The following GAB1 variants were observed in gnomAD, a reference collection of about 807,000 sequenced individuals.
GAB1 encodes GRB2 associated binding protein 1, also known as GRB2-associated-binding protein 1.
Under a neutral mutation model 66.5 loss-of-function variants are expected in GAB1, and 19 were observed. The ratio of observed to expected loss-of-function variants is 0.29; its 90% CI spans 0.20 to 0.42. The LOEUF (loss-of-function observed/expected upper bound fraction) is 0.42, where lower values mean the gene tolerates loss of function less well. Ranked by LOEUF, GAB1 falls within the 10% of genes least tolerant of loss-of-function variation. The pLI is 1.00. For missense variants in GAB1, 732 were observed against 858.5 expected (o/e 0.85, Z 1.84); for synonymous variants, 294 against 301.4 (o/e 0.98, Z 0.25).
At chr4:143,439,973 G>T in intron 5 of GAB1, 86 bp downstream of exon 5, 1 of 1,404,790 alleles carries the variant, frequency 7.1e-7, no homozygotes. Context: ...GTGATATCAT[G>T]AAATAAAAGT....
Position 143,471,125 on chromosome 4 carries a change from A to T in GAB1, c.*1936A>T, listed in dbSNP as rs1054479727. 1.3e-5 allele frequency: 2 copies of T among 152,208 alleles called. No homozygotes were observed. The highest frequency in any genetic ancestry group is 4.8e-5 in the African/African-American group (2 of 41,462). The allele number at this position is 152,208 out of a possible 1,614,324, so 9.4% of individuals were successfully genotyped here. ...GAGGATGAATATATTTAAGATTTAA[A>T]ACACAATAATAAATACATGATTAAT... On this transcript the variant is annotated 3_prime_UTR_variant, in exon 10 of 10. Coordinates refer to ENST00000262994, the MANE Select transcript of GAB1 (RefSeq NM_002039.4).
intron 2 of GAB1, among the ~76,000 whole-genome samples, chr4:143,422,740 T>C (rs1733092433): frequency 6.6e-6 from 1 of 152,248 alleles, no homozygotes; most frequent in African/African-American, 2.4e-5. Flanking sequence ...AATCTACTCT[T>C]CACTGGAAGC....
intron 8 of GAB1, among the ~76,000 whole-genome samples, chr4:143,462,209 A>G (rs757651563): frequency 3.3e-5 from 5 of 152,072 alleles, no homozygotes; most frequent in Non-Finnish European, 7.4e-5. Flanking sequence ...TGTATTCACT[A>G]TTTTTCAATT....
chr4:143,371,035 A>G (rs1730099475), intron 1 of GAB1, among the ~76,000 whole-genome samples: 1 of 152,220 alleles, frequency 6.6e-6, no homozygotes, highest in African/African-American at 2.4e-5. Flanking sequence ...TTATAGCAGC[A>G]TGATTTATAT....
chr4:143,457,193 C>T (rs1735235166), intron 6 of GAB1, among the ~76,000 whole-genome samples: 2 of 152,218 alleles, frequency 1.3e-5, no homozygotes, highest in Admixed American at 1.3e-4. Flanking sequence ...AAAAACATCT[C>T]TACCAAATTA....
At chr4:143,435,640 T>C (rs1274138322) in intron 3 of GAB1, among the ~76,000 whole-genome samples, 1 of 152,216 alleles carries the variant, frequency 6.6e-6, no homozygotes, top group Non-Finnish European at 1.5e-5. Flanking sequence ...AGGTAACCAC[T>C]ATGTGCCCAA....
chr4:143,429,069 C>A (rs1278517815), intron 2 of GAB1, among the ~76,000 whole-genome samples: 1 of 152,000 alleles, frequency 6.6e-6, no homozygotes, highest in African/African-American at 2.4e-5. Context: ...TTATACTTGG[C>A]CCATTATTTG....
intron 1 of GAB1, among the ~76,000 whole-genome samples, chr4:143,362,133 A>T (rs746168142): frequency 6.6e-6 from 1 of 152,136 alleles, no homozygotes; most frequent in Non-Finnish European, 1.5e-5. Flanking sequence ...AAAGAATCAC[A>T]TAAGTCCACC....
chr4:143,440,922 C>T (rs756798901), intron 6 of GAB1, among the ~76,000 whole-genome samples: 7 of 152,162 alleles, frequency 4.6e-5, no homozygotes, highest in Non-Finnish European at 8.8e-5. Context: ...ATTTAGTAAC[C>T]TCTTCTCCAG....
chr4:143,447,000 G>C (rs974935242), intron 6 of GAB1, among the ~76,000 whole-genome samples: 5 of 152,092 alleles, frequency 3.3e-5, no homozygotes, highest in African/African-American at 1.2e-4. Context: ...TCCAGTTTCA[G>C]CTTTCTACAT....
At chr4:143,396,061 G>A in intron 1 of GAB1, 1 of 446,016 alleles carries the variant, frequency 2.2e-6, no homozygotes. Flanking sequence ...GTAATGGGAG[G>A]CTTGGGGAAA....
At chr4:143,399,005 C>T (rs1051093427) in intron 1 of GAB1, among the ~76,000 whole-genome samples, 1 of 152,176 alleles carries the variant, frequency 6.6e-6, no homozygotes, top group African/African-American at 2.4e-5. Flanking sequence ...AGTGTGCTTT[C>T]TGATAGGAGT....
chr4:143,414,035 C>T (rs1363210254), intron 1 of GAB1, among the ~76,000 whole-genome samples: 1 of 151,836 alleles, frequency 6.6e-6, no homozygotes. Flanking sequence ...GTTGGCCAGG[C>T]TGGTCTCGAA....
intron 1 of GAB1, among the ~76,000 whole-genome samples, chr4:143,408,018 T>C (rs1337130582): frequency 1.3e-5 from 2 of 152,190 alleles, no homozygotes; most frequent in African/African-American, 4.8e-5. Context: ...AATAAATTTA[T>C]TCCTCTATTT....
chr4:143,395,939 G>T (rs1239340570), intron 1 of GAB1: 1 of 455,918 alleles, frequency 2.2e-6, no homozygotes, highest in South Asian at 1.5e-5. Context: ...AAATTTGTGT[G>T]CCAGTCTTGT....
chr4:143,426,335 A>T (rs1733355596), intron 2 of GAB1, among the ~76,000 whole-genome samples: 1 of 152,172 alleles, frequency 6.6e-6, no homozygotes, highest in Non-Finnish European at 1.5e-5. Context: ...GGATCTCTTG[A>T]ACCCAGGAGT....
chr4:143,364,027 A>C (rs1729769788), intron 1 of GAB1, among the ~76,000 whole-genome samples: 1 of 152,114 alleles, frequency 6.6e-6, no homozygotes. Context: ...ATCTCTACTA[A>C]AAATACAAAA....
In GAB1 at chr4:143,336,915, G is replaced by A. The variant is rs1220371824; in HGVS notation, c.-274G>A. On this transcript the variant is annotated 5_prime_UTR_variant, in exon 1 of 10. Coordinates refer to ENST00000262994, the MANE Select transcript of GAB1 (RefSeq NM_002039.4). ...TCCGAGCGCTGCTGAGGCAGCTGGC[G>A]AGACGGCACGTCTGGAGGCGAGGCG... 1 of 461,204 alleles carries A rather than the reference G, an allele frequency of 2.2e-6. No homozygotes were observed. The highest frequency in any genetic ancestry group is 4.0e-5 in the Admixed American group (1 of 25,214). 28.6% of individuals were successfully genotyped at this position (461,204 alleles called of 1,614,324 possible). A position where few individuals can be genotyped will look rare whatever the true frequency, so the allele number is the denominator to read the frequency against.
intron 6 of GAB1, among the ~76,000 whole-genome samples, chr4:143,447,820 C>A (rs1471718103): frequency 6.6e-6 from 1 of 152,106 alleles, no homozygotes; most frequent in Non-Finnish European, 1.5e-5. Context: ...ACTTCCAACA[C>A]TATGTTGAAT....
Sources: gnomAD v4.1 joint callset for allele counts (sites outside exome capture counted in the v4.1 genomes callset) on GRCh38, gnomAD v4.1.1 for gene constraint, MANE v1.5 for transcripts, NCBI Gene and HGNC (gene_info 2026-07-23, HGNC 2026-07-21) for gene names.